SRP72: variants seen among roughly 807,000 people sequenced by gnomAD.
SRP72 encodes the protein signal recognition particle 72.
In SRP72, 49 loss-of-function variants were observed where a neutral mutation model predicts 96.3. The ratio of observed to expected loss-of-function variants is 0.51; its 90% CI spans 0.40 to 0.65. The LOEUF (loss-of-function observed/expected upper bound fraction) is 0.65. Ranked by LOEUF, SRP72 falls within the 30% of genes least tolerant of loss-of-function variation. SRP72 has a pLI of 0.00. For missense variants in SRP72, 736 were observed against 793.3 expected (o/e 0.93, Z 0.87); for synonymous variants, 267 against 275.2 (o/e 0.97, Z 0.30).
intron 17 of SRP72, among the ~76,000 whole-genome samples, chr4:56,500,219 G>A (rs926932293): frequency 6.6e-5 from 10 of 152,072 alleles, no homozygotes; most frequent in African/African-American, 1.9e-4. Flanking sequence ...GTCGGGGGGC[G>A]GTGGGAGGCT....
rs1218731148 is a variant in SRP72, at chr4:56,491,421, T to G, written c.1503-10T>G. ...GTATATTATGTTCCTGAACTCCTGT[T>G]CTATCACAGTCTTAGTAAACACTTG... On this transcript the variant is annotated splice_polypyrimidine_tract_variant and intron_variant, in intron 15 of 18. Coordinates refer to ENST00000642900, the MANE Select transcript of SRP72 (RefSeq NM_006947.4). 1.9e-6 allele frequency: 3 copies of G among 1,612,392 alleles called. No individual in the cohort carries two copies. In the South Asian group the frequency reaches 3.3e-5, roughly 18 times the overall value.
At chr4:56,476,768 C>CATTGTACT (rs1439902410) in intron 6 of SRP72, 66 bp downstream of exon 6, 1 of 1,526,128 alleles carries the variant, frequency 6.6e-7, no homozygotes, top group African/African-American at 1.4e-5. Context: ...ACTGAGGCTT[C>CATTGTACT]ATTGTACTAT....
intron 17 of SRP72, among the ~76,000 whole-genome samples, chr4:56,499,029 A>G (rs748486125): frequency 6.6e-6 from 1 of 152,226 alleles, no homozygotes; most frequent in Non-Finnish European, 1.5e-5. Context: ...TTACAAGGCT[A>G]CAGTAACCAA....
rs1208213288 is a variant in SRP72, at chr4:56,502,255, T to G, written c.*394T>G. ...TACTTGTTTCTGTTCAAGTCCCACT[T>G]TAAATTATGTCTTAGGAGACTGAAA... On this transcript the variant is annotated 3_prime_UTR_variant, in exon 19 of 19. Transcript: ENST00000642900. 1 of 188,450 alleles carries G rather than the reference T, an allele frequency of 5.3e-6. No individual in the cohort carries two copies. The highest frequency in any genetic ancestry group is 1.0e-4 in the South Asian group (1 of 10,036). 11.7% of individuals were successfully genotyped at this position (188,450 alleles called of 1,614,324 possible). A position where few individuals can be genotyped will look rare whatever the true frequency, so the allele number is the denominator to read the frequency against.
At chr4:56,474,717 T>TA (rs1560676422) in intron 5 of SRP72, among the ~76,000 whole-genome samples, 1 of 152,170 alleles carries the variant, frequency 6.6e-6, no homozygotes, top group East Asian at 1.9e-4. Context: ...CTAATTTTTG[T>TA]ATGTTTAGTA....
At chr4:56,470,476 G>A (rs866318304) in intron 2 of SRP72, among the ~76,000 whole-genome samples, 10 of 151,668 alleles carry the variant, frequency 6.6e-5, no homozygotes, top group Admixed American at 1.3e-4. Flanking sequence ...GGAGGCAGAG[G>A]CTGCAGTGAG....
At position 56,501,133 on chromosome 4, in the gene SRP72, C is replaced by T. The variant is rs890442973; in HGVS notation, c.1838+438C>T. On this transcript the variant is annotated intron_variant, in intron 18 of 18. Coordinates refer to ENST00000642900, the MANE Select transcript of SRP72 (RefSeq NM_006947.4). ...TTTTAAAAAATTTTTTCTGGCCGGG[C>T]GCAGTGGCTCACGCCTGTAATCCCA... 3.9e-5 allele frequency among the ~76,000 whole-genome samples: 6 copies of T among 152,090 alleles called. No individual in the cohort carries two copies. The South Asian group carries it at 8.3e-4, about 21-fold the overall frequency.
At chr4:56,494,542 T>G (rs1158264678) in intron 16 of SRP72, among the ~76,000 whole-genome samples, 2 of 151,938 alleles carry the variant, frequency 1.3e-5, no homozygotes, top group African/African-American at 4.8e-5. Context: ...TAGCTGAGAT[T>G]ACAGGCACGC....
chr4:56,487,125 G>A (rs1025658107), intron 11 of SRP72, among the ~76,000 whole-genome samples: 2 of 152,134 alleles, frequency 1.3e-5, no homozygotes, highest in African/African-American at 2.4e-5. Context: ...AAGTTCTGTC[G>A]AACAGCTCTG....
chr4:56,493,285 C>A (rs1429751061), intron 16 of SRP72, among the ~76,000 whole-genome samples: 1 of 152,056 alleles, frequency 6.6e-6, no homozygotes, highest in Non-Finnish European at 1.5e-5. Context: ...ATCCACCCGC[C>A]TCAGCCTCCC....
Position 56,496,242 on chromosome 4 carries a change from G to A in SRP72, c.1678+848G>A, listed in dbSNP as rs531999468. Among the ~76,000 whole-genome samples, 28 of 152,254 alleles carry A rather than the reference G, an allele frequency of 1.8e-4. No individual in the cohort carries two copies. The South Asian group carries it at 4.6e-3, about 25-fold the overall frequency. ...TTATTTCTTGATTTTGCTCTCTGCC[G>A]TCTTAGGATACAGGTTTCCCAAGGC... On this transcript the variant is annotated intron_variant, in intron 17 of 18. Transcript: ENST00000642900.
At chr4:56,482,137 T>C (rs903489385) in intron 8 of SRP72, among the ~76,000 whole-genome samples, 1 of 151,288 alleles carries the variant, frequency 6.6e-6, no homozygotes, top group Non-Finnish European at 1.5e-5. Flanking sequence ...CATTGAAGTA[T>C]TTTTAAATAA....
At chr4:56,478,154 C>CTTTTTTTTTTTTTTTTTTTTTTTTTT (rs796835545) in intron 6 of SRP72, among the ~76,000 whole-genome samples, 1 of 115,782 alleles carries the variant, frequency 8.6e-6, no homozygotes, top group Non-Finnish European at 1.9e-5. Context: ...TTTGCCTTTT[C>CTTTTTTTTTTTTTTTTTTTTTTTTTT]TTTTTTTTTT....
chr4:56,471,011 A>G (rs1719952708), intron 2 of SRP72, among the ~76,000 whole-genome samples: 1 of 152,128 alleles, frequency 6.6e-6, no homozygotes. Flanking sequence ...CGTGTTGGCC[A>G]GGCTGGTCTT....
chr4:56,487,060 G>T (rs1245089800), intron 11 of SRP72, among the ~76,000 whole-genome samples: 1 of 152,140 alleles, frequency 6.6e-6, no homozygotes, highest in African/African-American at 2.4e-5. Context: ...GCTATATGCA[G>T]CCATTGGCTA....
intron 11 of SRP72, among the ~76,000 whole-genome samples, chr4:56,486,760 G>A (rs1306803998): frequency 6.6e-6 from 1 of 152,188 alleles, no homozygotes; most frequent in Non-Finnish European, 1.5e-5. Flanking sequence ...TTGCATCATA[G>A]TTTTCAGAAT....
intron 5 of SRP72, chr4:56,474,593 G>A (rs1720132482): frequency 1.7e-6 from 1 of 589,842 alleles, no homozygotes; most frequent in Non-Finnish European, 3.0e-6. Context: ...GCCCAGGCTG[G>A]AGTACAATGG....
In SRP72 at chr4:56,467,655, G is replaced by T. The variant is rs139502866; in HGVS notation, c.20G>T (p.Gly7Val). 2.8e-5 allele frequency: 44 copies of T among 1,561,390 alleles called. No individual in the cohort carries two copies. The highest frequency in any genetic ancestry group is 1.7e-4 in the Middle Eastern group (1 of 5,950). Reference protein sequence around the residue: MASGGSGGVSVPALWSE... With the variant: MASGGSVGVSVPALWSE... The stretch of plus-strand genomic sequence containing the variant: ...TCCAAGATGGCGAGCGGCGGCAGCG[G>T]GGGGGTGTCAGTACCTGCGCTGTGG... Residue 7 changes from glycine to valine, a missense_variant, in exon 1 of 19, where the codon GGG becomes GTG. Physicochemically the swap from Gly to Val is moderately radical, Grantham distance 109. Around this residue, in one of 3 missense-constraint regions of SRP72, gnomAD observed 329 missense variants for 319.0 expected, o/e 1.03. Transcript: ENST00000642900.
At chr4:56,472,547 A>T (rs1341699415) in intron 3 of SRP72, among the ~76,000 whole-genome samples, 1 of 151,944 alleles carries the variant, frequency 6.6e-6, no homozygotes, top group Non-Finnish European at 1.5e-5. Context: ...GGGTTATGCC[A>T]TGTTGCCTAG....
Sources: gnomAD v4.1 joint callset for allele counts (sites outside exome capture counted in the v4.1 genomes callset) on GRCh38, gnomAD v4.1.1 for gene constraint, gnomAD v4.1.1 regional missense constraint, MANE v1.5 for transcripts, NCBI Gene and HGNC (gene_info 2026-07-23, HGNC 2026-07-21) for gene names.